The following GTF2F2 variants were observed in gnomAD, a reference collection of about 807,000 sequenced individuals.
GTF2F2 encodes the protein ATP-dependent helicase GTF2F2.
In GTF2F2, 23 loss-of-function variants were observed where a neutral mutation model predicts 42.2. The ratio of observed to expected loss-of-function variants is 0.55; its 90% CI spans 0.39 to 0.77. GTF2F2 has a LOEUF of 0.77. Among genes scored for constraint, GTF2F2 ranks in the 30% least tolerant of loss-of-function variants. The probability of loss-of-function intolerance (pLI) is 0.00; values close to 1 mark genes in which losing one functional copy is unlikely to be tolerated. For missense variants in GTF2F2, 261 were observed against 287.2 expected, an observed-to-expected ratio of 0.91 and a Z score of 0.66; for synonymous variants, 105 against 100.8, an observed-to-expected ratio of 1.04 and a Z score of -0.25.
intron 7 of GTF2F2, among the ~76,000 whole-genome samples, chr13:45,280,498 T>G (rs976424252): frequency 6.6e-6 from 1 of 152,180 alleles, no homozygotes; most frequent in African/African-American, 2.4e-5. Flanking sequence ...GTTTAGAACA[T>G]CCTAAAAATC....
intron 5 of GTF2F2, among the ~76,000 whole-genome samples, chr13:45,246,422 C>T (rs896290642): frequency 4.6e-5 from 7 of 152,120 alleles, no homozygotes; most frequent in Admixed American, 4.6e-4. Context: ...TACTTAGGCA[C>T]CACTTTCTAT....
chr13:45,216,569 T>G (rs1378024708), intron 5 of GTF2F2, among the ~76,000 whole-genome samples: 1 of 152,116 alleles, frequency 6.6e-6, no homozygotes, highest in Non-Finnish European at 1.5e-5. Context: ...CAGGCTGGAG[T>G]GCAGCCGTGT....
intron 5 of GTF2F2, among the ~76,000 whole-genome samples, chr13:45,208,559 C>T (rs116424897): frequency 3.3e-3 from 496 of 152,242 alleles, no homozygotes; most frequent in African/African-American, 0.012. Flanking sequence ...CTTCCATTGT[C>T]GCAGATTGTA....
chr13:45,124,402 A>ATTATTTTTTAAAT (rs1868860260), intron 1 of GTF2F2, among the ~76,000 whole-genome samples: 1 of 150,366 alleles, frequency 6.7e-6, no homozygotes, highest in Non-Finnish European at 1.5e-5. Flanking sequence ...CCTTTTTAAA[A>ATTATTTTTTAAAT]AATTATTTTT....
Position 45,252,904 on chromosome 13 carries a change from G to T in GTF2F2, c.420G>T (p.Arg140Ser). Residue 140 changes from arginine to serine, a missense_variant, in exon 6 of 8, where the codon AGG (arginine) becomes AGT (serine). Physicochemically the swap from Arg to Ser is moderately radical, Grantham distance 110. Transcript: ENST00000340473. ...LQIEESSKPV[R>S]LSQQLDKVVT... Reference sequence around the variant, plus strand: ...TAGAAGAGTCTTCCAAACCAGTGAGGCTATCACAACAGCTGGACAAAGTTG... The same window carrying T: ...TAGAAGAGTCTTCCAAACCAGTGAGTCTATCACAACAGCTGGACAAAGTTG... 6.6e-7 allele frequency: 1 copy of T among 1,509,464 alleles called. No homozygotes were observed. The highest frequency in any genetic ancestry group is 1.4e-5 in the South Asian group (1 of 73,892). 93.5% of individuals were successfully genotyped at this position (1,509,464 alleles called of 1,614,324 possible). A position where few individuals can be genotyped will look rare whatever the true frequency, so the allele number is the denominator to read the frequency against.
intron 5 of GTF2F2, among the ~76,000 whole-genome samples, chr13:45,211,277 G>A (rs759438352): frequency 1.3e-5 from 2 of 151,520 alleles, no homozygotes; most frequent in African/African-American, 2.4e-5. Flanking sequence ...CGGTACCAAG[G>A]TATAAATTAT....
At chr13:45,125,946 C>T (rs906942347) in intron 1 of GTF2F2, among the ~76,000 whole-genome samples, 1 of 152,182 alleles carries the variant, frequency 6.6e-6, no homozygotes, top group Non-Finnish European at 1.5e-5. Flanking sequence ...CCCAGCCAGT[C>T]AGTGGATATG....
chr13:45,248,507 C>T (rs949106377), intron 5 of GTF2F2, among the ~76,000 whole-genome samples: 1 of 151,734 alleles, frequency 6.6e-6, no homozygotes. Flanking sequence ...GAGTTTCGCT[C>T]TTGTTGCCCA....
intron 4 of GTF2F2, among the ~76,000 whole-genome samples, chr13:45,185,132 A>G (rs750550774): frequency 3.9e-5 from 6 of 152,088 alleles, no homozygotes. Context: ...ATTATTTTCT[A>G]CATACCTGTC....
At chr13:45,245,666 AATATATATATATATATATATATATAT>A (rs372488927) in intron 5 of GTF2F2, among the ~76,000 whole-genome samples, 2 of 110,848 alleles carry the variant, frequency 1.8e-5, no homozygotes, top group African/African-American at 7.8e-5. Context: ...CCATGGTGTG[AATATATATATATATATATATATATAT>A]ATATATATAC....
At position 45,267,294 on chromosome 13, in the gene GTF2F2, T is replaced by A; in HGVS notation, c.548T>A (p.Val183Asp). Reference sequence around the variant, plus strand: ...CGAGCTCGAGCTGATAAACAACATGTTTTAGACATGCTATTTTCAGCCTTT... The same window carrying A: ...CGAGCTCGAGCTGATAAACAACATGATTTAGACATGCTATTTTCAGCCTTT... ...GKRARADKQH[V>D]LDMLFSAFEK... The change falls in exon 7 of 8, where the codon GTT becomes GAT. Residue 183 changes from valine to aspartate, a missense_variant. Physicochemically the swap from Val to Asp is radical, Grantham distance 152. Transcript: ENST00000340473. The A allele has an allele frequency of 6.2e-7, 1 of 1,611,262 alleles. No individual in the cohort carries two copies. Among genetic ancestry groups the A allele is most frequent in the Non-Finnish European group, 8.5e-7 (1 of 1,177,466 alleles).
intron 6 of GTF2F2, among the ~76,000 whole-genome samples, chr13:45,265,668 C>T (rs951420880): frequency 3.3e-5 from 5 of 152,158 alleles, no homozygotes; most frequent in African/African-American, 9.7e-5. Flanking sequence ...ATTTGACAGT[C>T]TCTCATAAGA....
intron 1 of GTF2F2, among the ~76,000 whole-genome samples, chr13:45,125,592 G>C (rs931259511): frequency 4.6e-5 from 7 of 152,154 alleles, no homozygotes; most frequent in African/African-American, 1.7e-4. Flanking sequence ...AAAGTACTGG[G>C]ATTACCGGTG....
chr13:45,139,107 G>A (rs1386501172), intron 2 of GTF2F2, among the ~76,000 whole-genome samples: 1 of 152,158 alleles, frequency 6.6e-6, no homozygotes, highest in African/African-American at 2.4e-5. Context: ...TACTTTCTAA[G>A]AAGATTCTGA....
chr13:45,260,816 A>G (rs1876307931), intron 6 of GTF2F2, among the ~76,000 whole-genome samples: 1 of 152,052 alleles, frequency 6.6e-6, no homozygotes, highest in Non-Finnish European at 1.5e-5. Flanking sequence ...GTTTGAGACC[A>G]GCCTTGAGTT....
chr13:45,243,916 C>T (rs1304978260), intron 5 of GTF2F2, among the ~76,000 whole-genome samples: 1 of 152,220 alleles, frequency 6.6e-6, no homozygotes, highest in Non-Finnish European at 1.5e-5. Flanking sequence ...CCACCTTGGC[C>T]TCCCAAAGTG....
chr13:45,208,977 C>T (rs1315521523), intron 5 of GTF2F2, among the ~76,000 whole-genome samples: 2 of 152,080 alleles, frequency 1.3e-5, no homozygotes, highest in African/African-American at 4.8e-5. Flanking sequence ...TGAAAAAATG[C>T]AAAATCTGGT....
chr13:45,127,829 C>T (rs1288449650), intron 1 of GTF2F2, among the ~76,000 whole-genome samples: 3 of 148,644 alleles, frequency 2.0e-5, no homozygotes, highest in African/African-American at 7.4e-5. Flanking sequence ...GACGGGGTTT[C>T]GCCATGTTGG....
At chr13:45,194,236 G>A in intron 4 of GTF2F2, 1 of 1,614,024 alleles carries the variant, frequency 6.2e-7, no homozygotes, top group Non-Finnish European at 8.5e-7. Context: ...TGCTTCTTGT[G>A]CAAGAAGTTG....
Sources: allele counts gnomAD v4.1 joint callset (sites outside exome capture counted in the v4.1 genomes callset), GRCh38; gene constraint gnomAD v4.1.1; transcripts MANE v1.5; gene names NCBI Gene and HGNC (gene_info 2026-07-23, HGNC 2026-07-21).